Variants in OR6J1 observed in about 807,000 individuals in gnomAD.
OR6J1 encodes the protein olfactory receptor 6J1.
For synonymous variants in OR6J1, 109 were observed against 70.0 expected (o/e 1.56, Z -2.78); for missense variants, 304 against 166.8 (o/e 1.82, Z -4.53).
chr14:22,640,257 GCAA>G (rs2037634635), intron 1 of OR6J1, among the ~76,000 whole-genome samples: 14 of 89,150 alleles, frequency 1.6e-4, no homozygotes, highest in Non-Finnish European at 2.3e-4. Flanking sequence ...AAGGAAGGAA[GCAA>G]GGAAGGAAGG....
In OR6J1 at chr14:22,631,356, C is replaced by G. The variant is rs946748634; in HGVS notation, c.*2412G>C. 3 of 152,168 alleles carry G rather than the reference C, an allele frequency of 2.0e-5. No homozygotes were observed. The highest frequency in any genetic ancestry group is 7.2e-5 in the African/African-American group (3 of 41,434). 9.4% of individuals were successfully genotyped at this position (152,168 alleles called of 1,614,324 possible). A position where few individuals can be genotyped will look rare whatever the true frequency, so the allele number is the denominator to read the frequency against. On this transcript the variant is annotated 3_prime_UTR_variant, in exon 2 of 2. Coordinates refer to ENST00000540461, the MANE Select transcript of OR6J1 (RefSeq NM_001348233.2). ...TAAAAGACGGGCACGCCCAGGGGGGCCGTCTATAGGACTACACTCCCAGGC... is the reference window on the plus strand; with the variant it reads ...TAAAAGACGGGCACGCCCAGGGGGGGCGTCTATAGGACTACACTCCCAGGC...
intron 1 of OR6J1, among the ~76,000 whole-genome samples, chr14:22,642,474 G>A (rs972364595): frequency 2.0e-5 from 3 of 151,490 alleles, no homozygotes; most frequent in Admixed American, 2.0e-4. Flanking sequence ...GAGTAAGCTG[G>A]GATTACAGGC....
intron 1 of OR6J1, among the ~76,000 whole-genome samples, chr14:22,638,063 A>T: frequency 1.4e-5 from 1 of 71,578 alleles, no homozygotes; most frequent in Admixed American, 1.1e-4. Flanking sequence ...CAGCCGCCCC[A>T]TCCGGGAGGT....
rs1190528360 is a variant in OR6J1, at chr14:22,636,720, G to A, written c.-27-1882C>T. On this transcript the variant is annotated intron_variant, in intron 1 of 1. Coordinates refer to ENST00000540461, the MANE Select transcript of OR6J1 (RefSeq NM_001348233.2). ...CGGAGTCTCGTTCACTCAGTGCTCAGTGGTGCCCAGGCTGGAGTGCAGTGG... is the reference window on the plus strand; with the variant it reads ...CGGAGTCTCGTTCACTCAGTGCTCAATGGTGCCCAGGCTGGAGTGCAGTGG... Among the ~76,000 whole-genome samples the A allele has an allele frequency of 7.2e-4, 84 of 116,630 alleles. 1 individual carries two copies. Among genetic ancestry groups the A allele is most frequent in the African/African-American group, 5.7e-4 (12 of 20,884 alleles). 76.5% of individuals were successfully genotyped at this position (116,630 alleles called of 152,430 possible).
chr14:22,639,234 T>G (rs1417111186), intron 1 of OR6J1, among the ~76,000 whole-genome samples: 18,433 of 95,776 alleles, frequency 0.19, 1,762 homozygotes, highest in African/African-American at 0.44. Flanking sequence ...AGGGAGGTGG[T>G]GGGGGGTCAG....
At chr14:22,639,341 A>G (rs61972440) in intron 1 of OR6J1, among the ~76,000 whole-genome samples, 1 of 88,022 alleles carries the variant, frequency 1.1e-5, no homozygotes, top group African/African-American at 5.7e-5. Context: ...CCGGCCAGCC[A>G]CCCCGTCCGG....
Position 22,634,240 on chromosome 14 carries a change from G to C in OR6J1, c.572C>G (p.Thr191Ser), listed in dbSNP as rs1159441185. 1.4e-6 allele frequency: 1 copy of C among 703,414 alleles called. No homozygotes were observed. The allele number at this position is 703,414 out of a possible 1,614,324, so 43.6% of individuals were successfully genotyped here. A position where few individuals can be genotyped will look rare whatever the true frequency, so the allele number is the denominator to read the frequency against. The change falls in exon 2 of 2, where the codon ACC (threonine) becomes AGC (serine). Residue 191 changes from threonine (T) to serine (S), a missense_variant. By Grantham distance (58) the Thr-to-Ser change is moderately conservative. Coordinates refer to ENST00000540461, the MANE Select transcript of OR6J1 (RefSeq NM_001348233.2). ...AAAATCCATCAGCTCGATGGCAGTGGTGTCTGCACAGGCCAGGGCCAGCAA... is the reference window on the plus strand; with the variant it reads ...AAAATCCATCAGCTCGATGGCAGTGCTGTCTGCACAGGCCAGGGCCAGCAA... ...GPLLALACAD[T>S]TAIELMDFML...
In OR6J1 at chr14:22,633,672, C is replaced by T. The variant is rs867708152; in HGVS notation, c.*96G>A. The T allele has an allele frequency of 1.8e-5, 11 of 597,762 alleles. No individual in the cohort carries two copies. Among genetic ancestry groups the T allele is most frequent in the African/African-American group, 1.5e-4 (8 of 53,778 alleles). The allele number at this position is 597,762 out of a possible 1,614,324, so 37.0% of individuals were successfully genotyped here. A position where few individuals can be genotyped will look rare whatever the true frequency, so the allele number is the denominator to read the frequency against. On this transcript the variant is annotated 3_prime_UTR_variant, in exon 2 of 2. Transcript: ENST00000540461. The stretch of plus-strand genomic sequence containing the variant: ...AGATTAAAGTGAAAACCAAGGCCAG[C>T]GTTCAAGTCTCTGTCTCCGCAGTCA...
At chr14:22,635,696 GAT>G (rs1342322008) in intron 1 of OR6J1, among the ~76,000 whole-genome samples, 1 of 152,208 alleles carries the variant, frequency 6.6e-6, no homozygotes, top group South Asian at 2.1e-4. Context: ...GTGGAACAGT[GAT>G]ATGTGTCAGA....
chr14:22,636,228 C>G (rs1306303095), intron 1 of OR6J1, among the ~76,000 whole-genome samples: 3 of 638 alleles, frequency 4.7e-3, no homozygotes, highest in Middle Eastern at 0.25. Flanking sequence ...CACTAGCGCC[C>G]TCTCCCTCTC....
chr14:22,639,390 G>A (rs1269855977), intron 1 of OR6J1, among the ~76,000 whole-genome samples: 9 of 124,130 alleles, frequency 7.3e-5, no homozygotes, highest in African/African-American at 2.6e-4. Flanking sequence ...CCGGCCAGCC[G>A]CCCCGTCCGG....
intron 1 of OR6J1, among the ~76,000 whole-genome samples, chr14:22,637,743 G>GC (rs1184274847): frequency 1.4e-5 from 1 of 72,930 alleles, no homozygotes; most frequent in East Asian, 3.6e-4. Context: ...GGGGGGATCA[G>GC]CCCCCCGCCT....
intron 1 of OR6J1, among the ~76,000 whole-genome samples, chr14:22,643,780 G>C (rs886264880): frequency 6.7e-6 from 1 of 149,826 alleles, no homozygotes; most frequent in Non-Finnish European, 1.5e-5. Flanking sequence ...GAGAGAGAGA[G>C]AGAGAGAGAG....
intron 1 of OR6J1, among the ~76,000 whole-genome samples, chr14:22,642,812 T>A (rs1053918404): frequency 6.6e-6 from 1 of 151,814 alleles, no homozygotes. Flanking sequence ...TATTTTTAAA[T>A]TTTTTTTAGA....
At chr14:22,638,519 A>G (rs1230024188) in intron 1 of OR6J1, among the ~76,000 whole-genome samples, 3 of 94,132 alleles carry the variant, frequency 3.2e-5, no homozygotes, top group Middle Eastern at 4.0e-3. Context: ...ACACTGCGGA[A>G]GGCCGCAGGG....
intron 1 of OR6J1, among the ~76,000 whole-genome samples, chr14:22,642,705 G>C (rs2037661329): frequency 6.6e-6 from 1 of 151,982 alleles, no homozygotes; most frequent in African/African-American, 2.4e-5. Flanking sequence ...TCTGACTATG[G>C]ATTTGCCTAT....
rs958448106 is a variant in OR6J1 at position 22,634,644 on chromosome 14, G to A, written c.168C>T (p.Thr56=). Residue 56 remains threonine, a synonymous_variant, in exon 2 of 2, where the codon ACC becomes ACT. Coordinates refer to ENST00000540461, the MANE Select transcript of OR6J1 (RefSeq NM_001348233.2). The part of the protein sequence containing the change: ...STVLSCSRLH[T]PMYFFLCNLS... ...GGTTGCACAAGAAGAAGTACATGGG[G>A]GTGTGGAGGCGGGAGCAGGACAGCA... 3 of 745,654 alleles carry A rather than the reference G, an allele frequency of 4.0e-6. No homozygotes were observed. Among genetic ancestry groups the A allele is most frequent in the African/African-American group, 3.4e-5 (2 of 58,470 alleles). 46.2% of individuals were successfully genotyped at this position (745,654 alleles called of 1,614,324 possible). A position where few individuals can be genotyped will look rare whatever the true frequency, so the allele number is the denominator to read the frequency against.
At chr14:22,640,575 C>G (rs2037638472) in intron 1 of OR6J1, among the ~76,000 whole-genome samples, 1 of 145,932 alleles carries the variant, frequency 6.9e-6, no homozygotes, top group Non-Finnish European at 1.5e-5. Context: ...CCACTTCAGA[C>G]TCAGCCTCCC....
At chr14:22,636,536 G>C (rs2037587837) in intron 1 of OR6J1, among the ~76,000 whole-genome samples, 1 of 111,530 alleles carries the variant, frequency 9.0e-6, no homozygotes, top group South Asian at 2.6e-4. Context: ...TCAGCCTGCT[G>C]AGTGCCTGCG....
Sources: allele counts gnomAD v4.1 joint callset (sites outside exome capture counted in the v4.1 genomes callset), GRCh38; gene constraint gnomAD v4.1.1; transcripts MANE v1.5; gene names NCBI Gene and HGNC (gene_info 2026-07-23, HGNC 2026-07-21).